TMC6: variants seen among roughly 807,000 people sequenced by gnomAD.
TMC6 encodes the protein transmembrane channel-like protein 6.
TMC6 carries 71 observed loss-of-function variants against 95.4 expected under a neutral mutation model. That is an observed-to-expected ratio of 0.74 (90% CI 0.61 to 0.91). The LOEUF is 0.91. Ranked by LOEUF, TMC6 falls within the 40% of genes least tolerant of loss-of-function variation. The pLI is 0.00. For synonymous variants in TMC6, 514 were observed against 483.1 expected (o/e 1.06, Z -0.84); for missense variants, 1,074 against 1,079.1 (o/e 1.00, Z 0.07).
At chr17:78,130,962 GC>G (rs2074948486), upstream of TMC6, 1 of 169,030 alleles carries the variant, frequency 5.9e-6, no homozygotes, top group South Asian at 1.3e-4. Flanking sequence ...CACGGCTGGG[GC>G]TGTAGCCACA....
At chr17:78,120,855 G>A (rs1303222458) in intron 12 of TMC6, 23 bp from the exon 13 acceptor site, 1 of 1,610,926 alleles carries the variant, frequency 6.2e-7, no homozygotes, top group Admixed American at 1.7e-5. Context: ...GGGTGCAAAG[G>A]CTGAGGGGCG....
At position 78,120,700 on chromosome 17, in the gene TMC6, G is replaced by A; in HGVS notation, c.1668C>T (p.Asp556=). Residue 556 remains aspartate (D), a synonymous_variant, in exon 13 of 20, where the codon GAC becomes GAT. Coordinates refer to ENST00000590602, the MANE Select transcript of TMC6 (RefSeq NM_001127198.5). ...GQELYRFLVM[D]FVLMLLDTLF... ...GCGTGTCCAGCAACATGAGGACGAA[G>A]TCCATCACCAGGAACCGGTACAGCT... The A allele has an allele frequency of 6.2e-7, 1 of 1,614,038 alleles. No homozygotes were observed. Among genetic ancestry groups the A allele is most frequent in the South Asian group, 1.1e-5 (1 of 91,090 alleles).
rs2074457498 is a variant in TMC6, at chr17:78,122,378, G to A, written c.1227+227C>T. Among the ~76,000 whole-genome samples the A allele has an allele frequency of 6.6e-6, 1 of 152,028 alleles. No homozygotes were observed. The highest frequency in any genetic ancestry group is 6.5e-5 in the Admixed American group (1 of 15,282). On this transcript the variant is annotated intron_variant, in intron 10 of 19. Coordinates refer to ENST00000590602, the MANE Select transcript of TMC6 (RefSeq NM_001127198.5). The surrounding 1 kb of genome is among the most constrained non-coding windows in gnomAD (Gnocchi z 4.9). ...GGGGCCATGGCGCTACTACGCGCTA[G>A]CAGACAACAGAGGCAGCCCCTAACT... is the stretch of plus-strand genomic sequence containing the variant.
chr17:78,131,541 C>T (rs1460418043), upstream of TMC6: 4 of 1,536,296 alleles, frequency 2.6e-6, no homozygotes, highest in Non-Finnish European at 2.6e-6. Context: ...GACTCATATC[C>T]CCCCCACCGG....
upstream of TMC6, among the ~76,000 whole-genome samples, chr17:78,129,114 G>GCCC (rs1491320655): frequency 1.0e-5 from 1 of 97,274 alleles, no homozygotes; most frequent in African/African-American, 4.1e-5. The surrounding 1 kb of genome is among the most constrained non-coding windows in gnomAD (Gnocchi z 4.3). Context: ...AGATTGGGCA[G>GCCC]CGCCCCCCCC....
At chr17:78,127,933 C>G (rs1288523890) in intron 1 of TMC6, among the ~76,000 whole-genome samples, 1 of 152,186 alleles carries the variant, frequency 6.6e-6, no homozygotes, top group Non-Finnish European at 1.5e-5. Context: ...AGAGCTGGGT[C>G]CGAGGCGGCC....
At chr17:78,115,061 C>T (rs536609635) in intron 18 of TMC6, among the ~76,000 whole-genome samples, 47 of 152,372 alleles carry the variant, frequency 3.1e-4, no homozygotes, top group East Asian at 2.3e-3. Context: ...AGACAACCAC[C>T]GCAGCCGAGA....
In TMC6 at chr17:78,112,826, C is replaced by A; in HGVS notation, c.*322G>T. On this transcript the variant is annotated 3_prime_UTR_variant, in exon 20 of 20. Coordinates refer to ENST00000590602, the MANE Select transcript of TMC6 (RefSeq NM_001127198.5). ...GGGCGCCCCCACTCCAGCTGAGGTT[C>A]CCAGGACCCAGACCTGCGCCTGGAG... is the stretch of plus-strand genomic sequence containing the variant. 2.3e-6 allele frequency: 1 copy of A among 437,042 alleles called. No homozygotes were observed. Among genetic ancestry groups the A allele is most frequent in the Non-Finnish European group, 4.1e-6 (1 of 242,992 alleles). 27.1% of individuals were successfully genotyped at this position (437,042 alleles called of 1,614,324 possible).
At chr17:78,127,814 C>T (rs1484524560) in intron 1 of TMC6, among the ~76,000 whole-genome samples, 3 of 152,370 alleles carry the variant, frequency 2.0e-5, no homozygotes, top group Non-Finnish European at 2.9e-5. Flanking sequence ...GGGTGCCAGT[C>T]ACAGGACCGG....
rs1370451738 is a variant in TMC6, at chr17:78,110,944, G to A, written c.*2204C>T. 1.3e-5 allele frequency: 2 copies of A among 152,272 alleles called. No homozygotes were observed. Among genetic ancestry groups the A allele is most frequent in the African/African-American group, 2.4e-5 (1 of 41,470 alleles). 9.4% of individuals were successfully genotyped at this position (152,272 alleles called of 1,614,324 possible). A position where few individuals can be genotyped will look rare whatever the true frequency, so the allele number is the denominator to read the frequency against. On this transcript the variant is annotated 3_prime_UTR_variant, in exon 20 of 20. Transcript: ENST00000590602. ...GGTCTGGGGCCACACGGTGGGTCCG[G>A]AGACAGAAACGAGGAGAGGACGGGC...
At chr17:78,126,103 T>C (rs1231085327) in intron 4 of TMC6, 174 bp downstream of exon 4, 1 of 1,127,926 alleles carries the variant, frequency 8.9e-7, no homozygotes, top group African/African-American at 1.6e-5. Context: ...CATGGGGCTG[T>C]GCTGGGCCCC....
In TMC6 at chr17:78,125,477, G is replaced by A. The variant is rs117679020; in HGVS notation, c.431-214C>T. On this transcript the variant is annotated intron_variant, in intron 5 of 19. Transcript: ENST00000590602. ...GCACAGGGGCCTGTTTCCCACGCAC[G>A]GTCCCCGACTCGGGGCCCAGGGCCA... Among the ~76,000 whole-genome samples, 7,277 of 152,316 alleles carry A rather than the reference G, an allele frequency of 0.048. 244 individuals are homozygous for A. Among genetic ancestry groups the A allele is most frequent in the Non-Finnish European group, 0.072 (4,929 of 68,004 alleles).
At position 78,119,463 on chromosome 17, in the gene TMC6, C is replaced by A. The variant is rs958582125; in HGVS notation, c.1716-71G>T. The A allele has an allele frequency of 3.4e-6, 5 of 1,466,514 alleles. No homozygotes were observed. In the African/African-American group the frequency reaches 7.0e-5, roughly 20 times the overall value. The allele number at this position is 1,466,514 out of a possible 1,614,324, so 90.8% of individuals were successfully genotyped here. ...GGGAGGCCAGCCTGAGTCCCCACAC[C>A]CAGAGGCACCCCGCCCCCAGCCAGG... On this transcript the variant is annotated intron_variant, in intron 13 of 19. Coordinates refer to ENST00000590602, the MANE Select transcript of TMC6 (RefSeq NM_001127198.5).
Position 78,120,650 on chromosome 17 carries a change from C to A in TMC6, c.1715+3G>T, listed in dbSNP as rs2074368806. 1 of 1,614,058 alleles carries A rather than the reference C, an allele frequency of 6.2e-7. No homozygotes were observed. Among genetic ancestry groups the A allele is most frequent in the East Asian group, 2.2e-5 (1 of 44,880 alleles). Reference sequence around the variant, plus strand: ...CCACCCAGTCCGCCCAGGACCCCCTCACCTCCACACCAGTTCCCCAAAAAG... The same window carrying A: ...CCACCCAGTCCGCCCAGGACCCCCTAACCTCCACACCAGTTCCCCAAAAAG... On this transcript the variant is annotated splice_donor_region_variant and intron_variant, in intron 13 of 19. Transcript: ENST00000590602.
At chr17:78,132,081 G>A (rs1044912191), upstream of TMC6, 60 of 1,534,236 alleles carry the variant, frequency 3.9e-5, no homozygotes, top group Admixed American at 7.9e-5. Flanking sequence ...GAGCCCCACT[G>A]CCCAGATCGG....
At position 78,121,803 on chromosome 17, in the gene TMC6, A is replaced by T; in HGVS notation, c.1228-92T>A. 6.8e-7 allele frequency: 1 copy of T among 1,461,466 alleles called. No homozygotes were observed. The highest frequency in any genetic ancestry group is 1.3e-5 in the South Asian group (1 of 74,660). 90.5% of individuals were successfully genotyped at this position (1,461,466 alleles called of 1,614,324 possible). ...GCACAACACACACAACACACATGAG[A>T]CACACCAGGAGGCTTGAACCAGGAC... On this transcript the variant is annotated intron_variant, in intron 10 of 19. Coordinates refer to ENST00000590602, the MANE Select transcript of TMC6 (RefSeq NM_001127198.5). This position sits in a 1 kb window ranked among gnomAD's most constrained non-coding sequence, Gnocchi z 5.6.
chr17:78,123,101 C>T, intron 9 of TMC6: 1 of 403,060 alleles, frequency 2.5e-6, no homozygotes, highest in Non-Finnish European at 4.7e-6. Context: ...GCTTCCTTAT[C>T]CATCCCCACT....
Position 78,122,492 on chromosome 17 carries a change from G to A in TMC6, c.1227+113C>T, listed in dbSNP as rs1453219721. ...GCCCAGCGCCCCGAGTTCAGCTCAC[G>A]GACAGCTGGCCCTCCCTCTAGACCA... On this transcript the variant is annotated intron_variant, in intron 10 of 19. Transcript: ENST00000590602. This position sits in a 1 kb window ranked among gnomAD's most constrained non-coding sequence, Gnocchi z 4.9. 11 of 1,497,238 alleles carry A rather than the reference G, an allele frequency of 7.3e-6. No homozygotes were observed. The highest frequency in any genetic ancestry group is 2.8e-5 in the African/African-American group (2 of 72,616). The allele number at this position is 1,497,238 out of a possible 1,614,324, so 92.7% of individuals were successfully genotyped here.
chr17:78,126,096 G>A (rs1483239453), intron 4 of TMC6, 181 bp downstream of exon 4: 1 of 1,112,620 alleles, frequency 9.0e-7, no homozygotes, highest in African/African-American at 1.6e-5. Flanking sequence ...AGGGCCACAT[G>A]GGGCTGTGCT....
Sources: allele counts gnomAD v4.1 joint callset (sites outside exome capture counted in the v4.1 genomes callset), GRCh38; gene constraint gnomAD v4.1.1; non-coding constraint Gnocchi (gnomAD v3.1); transcripts MANE v1.5; gene names NCBI Gene and HGNC (gene_info 2026-07-23, HGNC 2026-07-21).